Variants in HTD2 observed in about 807,000 individuals in gnomAD.
HTD2 encodes the protein hydroxyacyl-thioester dehydratase type 2, mitochondrial.
Under a neutral mutation model 3.1 loss-of-function variants are expected in HTD2, and 1 was observed. That is an observed-to-expected ratio of 0.32 (90% CI 0.11 to 1.52). HTD2 has a LOEUF of 1.52. Among genes scored for constraint, HTD2 ranks in the 40% most tolerant of loss-of-function variants. HTD2 has a pLI of 0.39. For missense variants in HTD2, 150 were observed against 79.6 expected (o/e 1.88, Z -3.36); for synonymous variants, 50 against 28.9 (o/e 1.73, Z -2.34).
chr3:58,307,523 G>A (rs2097476814), intron 1 of HTD2, among the ~76,000 whole-genome samples: 1 of 152,142 alleles, frequency 6.6e-6, no homozygotes, highest in Admixed American at 6.5e-5. Flanking sequence ...CCAGGAGTTC[G>A]AGACCAGCCT....
At chr3:58,311,151 G>A (rs891270429) in intron 2 of HTD2, among the ~76,000 whole-genome samples, 7 of 151,212 alleles carry the variant, frequency 4.6e-5, no homozygotes, top group African/African-American at 1.7e-4. Context: ...TGTTGTTGTT[G>A]TTGTTGTTGT....
intron 1 of HTD2, chr3:58,307,814 C>G (rs1236626186): frequency 6.6e-6 from 1 of 151,654 alleles, no homozygotes; most frequent in African/African-American, 2.4e-5. Flanking sequence ...CAGGTATCCT[C>G]TCCTTTAATG....
At chr3:58,312,245 G>T (rs2097483025) in intron 2 of HTD2, among the ~76,000 whole-genome samples, 1 of 150,848 alleles carries the variant, frequency 6.6e-6, no homozygotes, top group Admixed American at 6.6e-5. Context: ...TTCCCCTAGA[G>T]ATTATTTTAT....
At chr3:58,307,716 A>G (rs539760782) in intron 1 of HTD2, 26 of 152,364 alleles carry the variant, frequency 1.7e-4, no homozygotes, top group African/African-American at 5.5e-4. Context: ...ACTGACTTTA[A>G]AGATGACGAT....
chr3:58,312,710 C>T (rs944500567), intron 2 of HTD2, among the ~76,000 whole-genome samples: 3 of 152,078 alleles, frequency 2.0e-5, no homozygotes, highest in Non-Finnish European at 4.4e-5. Flanking sequence ...CCTATAATCC[C>T]AGCTCTTCGG....
chr3:58,310,658 C>A, intron 2 of HTD2, 67 bp downstream of exon 2: 1 of 1,387,948 alleles, frequency 7.2e-7, no homozygotes, highest in Admixed American at 2.1e-5. Context: ...AGAGGCCGGG[C>A]GCGGTAGCTC....
intron 1 of HTD2, among the ~76,000 whole-genome samples, chr3:58,307,240 C>G (rs55736628): frequency 0.045 from 6,924 of 152,188 alleles, 559 homozygotes; most frequent in African/African-American, 0.16. Flanking sequence ...GCAGGCTGCT[C>G]TAAGGACTTT....
Position 58,318,954 on chromosome 3 carries a change from C to T in HTD2, c.*834C>T, listed in dbSNP as rs2097491475. 6.6e-6 allele frequency: 1 copy of T among 151,494 alleles called. No individual in the cohort carries two copies. The highest frequency in any genetic ancestry group is 1.5e-5 in the Non-Finnish European group (1 of 67,976). The allele number at this position is 151,494 out of a possible 1,614,324, so 9.4% of individuals were successfully genotyped here. On this transcript the variant is annotated 3_prime_UTR_variant, in exon 5 of 5. Transcript: ENST00000461393. ...GTTGCAGTGAGCTGAAATCACACCA[C>T]TGCACTTCAGCCTGGGTGACAGAGC...
intron 1 of HTD2, among the ~76,000 whole-genome samples, chr3:58,308,827 T>TA (rs1421601672): frequency 6.6e-6 from 1 of 151,832 alleles, no homozygotes; most frequent in African/African-American, 2.4e-5. Flanking sequence ...GGGCTTAACT[T>TA]AGAGAAGGGT....
In HTD2 at chr3:58,317,827, T is replaced by G; in HGVS notation, c.214T>G (p.Phe72Val). 1.4e-6 allele frequency: 1 copy of G among 703,048 alleles called. No homozygotes were observed. The allele number at this position is 703,048 out of a possible 1,614,324, so 43.6% of individuals were successfully genotyped here. A position where few individuals can be genotyped will look rare whatever the true frequency, so the allele number is the denominator to read the frequency against. The part of the protein sequence containing the change: ...DVNPLHLNED[F>V]AKHTKFGNTI... Reference sequence around the variant, plus strand: ...CAATCCTTTGCATTTGAATGAAGACTTTGCAAAACACACCAAGTTTGGAAA... The same window carrying G: ...CAATCCTTTGCATTTGAATGAAGACGTTGCAAAACACACCAAGTTTGGAAA... The change falls in exon 5 of 5, where the codon TTT (phenylalanine) becomes GTT (valine). Residue 72 changes from phenylalanine (F) to valine (V), a missense_variant. Transcript: ENST00000461393.
rs116365502 is a variant in HTD2, at chr3:58,307,091, C to A, written c.-416+440C>A. On this transcript the variant is annotated intron_variant, in intron 1 of 4. Coordinates refer to ENST00000461393, the MANE Select transcript of HTD2 (RefSeq NM_001348712.2). ...CATGGGGAAAAGCTAGAGCCGAGGC[C>A]CAGCGGTGGGAGCGAGACTGGCGCG... Among the ~76,000 whole-genome samples, 1,110 of 152,124 alleles carry A rather than the reference C, an allele frequency of 7.3e-3. 14 individuals carry two copies. Among genetic ancestry groups the A allele is most frequent in the African/African-American group, 0.025 (1,057 of 41,500 alleles).
intron 2 of HTD2, among the ~76,000 whole-genome samples, chr3:58,314,212 G>C (rs1315905679): frequency 6.6e-6 from 1 of 152,148 alleles, no homozygotes; most frequent in Non-Finnish European, 1.5e-5. Context: ...CTAGCCGGGC[G>C]TGGTGGCACA....
At position 58,316,973 on chromosome 3, in the gene HTD2, T is replaced by G. The variant is rs1438658135; in HGVS notation, c.-195T>G. The stretch of plus-strand genomic sequence containing the variant: ...GTTAGGATCCTATAAAGGCAAAAAA[T>G]GTGCTTTCCGGGTGATTCAGGTAAA... On this transcript the variant is annotated 5_prime_UTR_variant, in exon 4 of 5. The change abolishes an upstream ATG in the 5' untranslated region. Transcript: ENST00000461393. 1 of 1,613,936 alleles carries G rather than the reference T, an allele frequency of 6.2e-7. No individual in the cohort carries two copies. Among genetic ancestry groups the G allele is most frequent in the Non-Finnish European group, 8.5e-7 (1 of 1,179,860 alleles).
At chr3:58,309,892 C>CA (rs557372458) in intron 1 of HTD2, among the ~76,000 whole-genome samples, 30 of 146,980 alleles carry the variant, frequency 2.0e-4, no homozygotes, top group Non-Finnish European at 2.7e-4. Flanking sequence ...ACTCCTTCTC[C>CA]AAAAAAAAAA....
At chr3:58,310,669 A>C in intron 2 of HTD2, 78 bp downstream of exon 2, 120 of 1,260,004 alleles carry the variant, frequency 9.5e-5, no homozygotes, top group Non-Finnish European at 1.2e-4. Flanking sequence ...GCGGTAGCTC[A>C]CGCCTGTAAT....
At chr3:58,315,191 A>G (rs1010699245) in intron 2 of HTD2, among the ~76,000 whole-genome samples, 4 of 152,152 alleles carry the variant, frequency 2.6e-5, no homozygotes, top group African/African-American at 9.7e-5. Flanking sequence ...CATTCCTACT[A>G]TGGAATATAC....
intron 2 of HTD2, among the ~76,000 whole-genome samples, chr3:58,311,304 G>A (rs150324744): frequency 0.017 from 2,539 of 152,202 alleles, 74 homozygotes; most frequent in African/African-American, 0.058. Context: ...ACAGGCACAC[G>A]CTACCATGCC....
At chr3:58,312,338 C>CCCCT (rs1050195734) in intron 2 of HTD2, among the ~76,000 whole-genome samples, 1 of 127,680 alleles carries the variant, frequency 7.8e-6, no homozygotes, top group Non-Finnish European at 1.7e-5. Flanking sequence ...CTCCGCACCC[C>CCCCT]CCCCCGCCCC....
chr3:58,306,954 G>C (rs534414820), intron 1 of HTD2, among the ~76,000 whole-genome samples: 1 of 152,228 alleles, frequency 6.6e-6, no homozygotes, highest in Admixed American at 6.5e-5. Flanking sequence ...TGGGGGTGGG[G>C]TGCGGTGTTA....
Sources: gnomAD v4.1 joint callset for allele counts (sites outside exome capture counted in the v4.1 genomes callset) on GRCh38, gnomAD v4.1.1 for gene constraint, MANE v1.5 for transcripts, NCBI Gene and HGNC (gene_info 2026-07-23, HGNC 2026-07-21) for gene names.